The following MCCC1 variants were observed in gnomAD, a reference collection of about 807,000 sequenced individuals.
MCCC1 encodes the protein methylcrotonoyl-CoA carboxylase subunit alpha, mitochondrial.
A neutral mutation model predicts 83.8 loss-of-function variants in MCCC1; 64 were observed. The observed-to-expected ratio is 0.76, with a 90% CI of 0.62 to 0.94. MCCC1 has a LOEUF of 0.94. Among genes scored for constraint, MCCC1 ranks in the 40% least tolerant of loss-of-function variants. The pLI, the probability that MCCC1 is intolerant of heterozygous loss-of-function variation, is 0.00. For missense variants in MCCC1, 807 were observed against 904.7 expected, an observed-to-expected ratio of 0.89 and a Z score of 1.39; for synonymous variants, 322 against 315.4, an observed-to-expected ratio of 1.02 and a Z score of -0.22.
intron 1 of MCCC1, among the ~76,000 whole-genome samples, chr3:183,105,459 T>TA (rs1719388146): frequency 6.6e-6 from 1 of 151,770 alleles, no homozygotes. Flanking sequence ...AAAAGCAAAA[T>TA]AAAAAACCAT....
At chr3:183,049,538 C>T (rs1462106463) in intron 9 of MCCC1, among the ~76,000 whole-genome samples, 2 of 149,746 alleles carry the variant, frequency 1.3e-5, no homozygotes, top group Non-Finnish European at 3.0e-5. Context: ...CACCATTGCA[C>T]TCCAGCCTGG....
Position 183,092,000 on chromosome 3 carries a change from C to A in MCCC1, c.273+409G>T, listed in dbSNP as rs1289350463. Among the ~76,000 whole-genome samples, 9 of 151,264 alleles carry A rather than the reference C, an allele frequency of 5.9e-5. No individual in the cohort carries two copies. In the South Asian group the frequency reaches 1.7e-3, roughly 28 times the overall value. On this transcript the variant is annotated intron_variant, in intron 3 of 18. Transcript: ENST00000265594. ...CTGAGAGGCGGAGCTTGCAGTGAGTCGGGATTGTGCCACTGCTCTCCAGCC... is the reference window on the plus strand; with the variant it reads ...CTGAGAGGCGGAGCTTGCAGTGAGTAGGGATTGTGCCACTGCTCTCCAGCC...
chr3:183,091,816 A>T lies in MCCC1; in HGVS notation c.273+593T>A, dbSNP rs994177196. 5.3e-5 allele frequency among the ~76,000 whole-genome samples: 8 copies of T among 152,276 alleles called. No individual in the cohort carries two copies. The South Asian group carries it at 1.5e-3, about 28-fold the overall frequency. On this transcript the variant is annotated intron_variant, in intron 3 of 18. Transcript: ENST00000265594. ...CACTTTGGGAGGCCAAGGTGGGCGG[A>T]TCACGAGGTCAGCAGATTGAGACCA...
rs548104566 is a variant in MCCC1, at chr3:183,107,175, C to T, written c.-102+8299G>A. ...ATCCCAGCACTTTGGGAGGCTGAGG[C>T]GGACGGATCATTTGAGGTCAGGAGT... On this transcript the variant is annotated intron_variant, in intron 1 of 17. Coordinates refer to the MCCC1 transcript ENST00000492597. Among the ~76,000 whole-genome samples, 8 of 152,042 alleles carry T rather than the reference C, an allele frequency of 5.3e-5. No individual in the cohort carries two copies. The South Asian group carries it at 6.2e-4, about 12-fold the overall frequency.
chr3:183,078,570 A>G (rs997200101), intron 4 of MCCC1, among the ~76,000 whole-genome samples: 4 of 152,154 alleles, frequency 2.6e-5, no homozygotes, highest in African/African-American at 4.8e-5. Flanking sequence ...AATGTTTTAT[A>G]GTTTTCAGTA....
chr3:183,089,003 T>C (rs569735510), intron 3 of MCCC1, among the ~76,000 whole-genome samples: 1 of 152,348 alleles, frequency 6.6e-6, no homozygotes, highest in African/African-American at 2.4e-5. Context: ...TGAGCACGTC[T>C]GTGGGACAGA....
chr3:183,034,835 T>C (rs998521680), intron 13 of MCCC1, among the ~76,000 whole-genome samples: 2 of 151,334 alleles, frequency 1.3e-5, no homozygotes, highest in Admixed American at 6.6e-5. Context: ...TGGAGTGCAG[T>C]GGCATGATCT....
intron 5 of MCCC1, 142 bp from the exon 6 acceptor site, chr3:183,071,499 A>G: frequency 8.2e-7 from 1 of 1,218,140 alleles, no homozygotes; most frequent in South Asian, 1.3e-5. Flanking sequence ...AATAATACAA[A>G]TTTAATATGT....
intron 14 of MCCC1, among the ~76,000 whole-genome samples, chr3:183,029,988 C>T (rs559318300): frequency 6.6e-6 from 1 of 152,142 alleles, no homozygotes; most frequent in Non-Finnish European, 1.5e-5. Context: ...GCCTGATGCT[C>T]CACCCAAATA....
rs368135707 is a variant in MCCC1, at chr3:183,041,721, G to A, written c.1113C>T (p.Ser371=). ...GGCCCTGCAGAGTTATTTCTTCCTG[G>A]CTCAAAGGAATCTTCTCTCCTGCTG... is the stretch of plus-strand genomic sequence containing the variant. ...RIAAGEKIPL[S]QEEITLQGHA... Residue 371 remains serine (S), a synonymous_variant, in exon 11 of 19, where the codon AGC becomes AGT. Transcript: ENST00000265594. 2.3e-5 allele frequency: 37 copies of A among 1,613,994 alleles called. No homozygotes were observed. The highest frequency in any genetic ancestry group is 3.0e-5 in the Non-Finnish European group (35 of 1,180,036).
intron 8 of MCCC1, among the ~76,000 whole-genome samples, chr3:183,052,574 T>C (rs1439043517): frequency 3.3e-5 from 5 of 152,012 alleles, no homozygotes; most frequent in African/African-American, 1.2e-4. Context: ...TTTGGGAGGC[T>C]GAGGCGGGCG....
intron 4 of MCCC1, among the ~76,000 whole-genome samples, chr3:183,084,467 C>A (rs1041075390): frequency 2.6e-5 from 4 of 152,124 alleles, no homozygotes; most frequent in African/African-American, 9.7e-5. Context: ...CATCTCCTTA[C>A]CCTCCTAAGG....
chr3:183,030,879 T>G (rs1713012157), intron 14 of MCCC1, among the ~76,000 whole-genome samples: 1 of 152,228 alleles, frequency 6.6e-6, no homozygotes, highest in Non-Finnish European at 1.5e-5. Context: ...TTTACTCTTC[T>G]TATCAGAAAG....
intron 1 of MCCC1, among the ~76,000 whole-genome samples, chr3:183,107,906 G>A (rs1162820313): frequency 1.3e-5 from 2 of 152,116 alleles, no homozygotes; most frequent in Non-Finnish European, 2.9e-5. Flanking sequence ...ATGAATACAG[G>A]CCAGTTGTTT....
At chr3:183,031,316 A>G (rs1713048341) in intron 14 of MCCC1, among the ~76,000 whole-genome samples, 1 of 152,152 alleles carries the variant, frequency 6.6e-6, no homozygotes, top group Non-Finnish European at 1.5e-5. Context: ...ACATAAACCA[A>G]AAACTCAATA....
chr3:183,087,928 G>GTGGAGCTGAGAACAGGAA (rs1553866653), intron 3 of MCCC1, among the ~76,000 whole-genome samples: 24 of 150,700 alleles, frequency 1.6e-4, no homozygotes, highest in Non-Finnish European at 7.4e-5. Flanking sequence ...GATCAAGAAT[G>GTGGAGCTGAGAACAGGAA]TGGAGCTGAG....
intron 7 of MCCC1, among the ~76,000 whole-genome samples, chr3:183,059,027 C>T (rs1715635502): frequency 6.6e-6 from 1 of 152,148 alleles, no homozygotes; most frequent in Admixed American, 6.5e-5. Context: ...TGTCTTCTTG[C>T]TGGGCACGGT....
chr3:183,076,315 C>T (rs1399829921), intron 4 of MCCC1, among the ~76,000 whole-genome samples: 2 of 152,134 alleles, frequency 1.3e-5, no homozygotes, highest in Non-Finnish European at 2.9e-5. Flanking sequence ...GCTTCTTTAA[C>T]TTCACATAAT....
At chr3:183,019,549 G>A (rs1232396819) in intron 17 of MCCC1, among the ~76,000 whole-genome samples, 1 of 152,110 alleles carries the variant, frequency 6.6e-6, no homozygotes, top group Non-Finnish European at 1.5e-5. Flanking sequence ...TTAATCTGCT[G>A]GTGATTTGAT....
Sources: gnomAD v4.1 joint callset for allele counts (sites outside exome capture counted in the v4.1 genomes callset) on GRCh38, gnomAD v4.1.1 for gene constraint, MANE v1.5 for transcripts, NCBI Gene and HGNC (gene_info 2026-07-23, HGNC 2026-07-21) for gene names.